MYO3B: variants seen among roughly 807,000 people sequenced by gnomAD.
MYO3B encodes myosin-IIIb.
Under a neutral mutation model 174.6 loss-of-function variants are expected in MYO3B, and 156 were observed. That is an observed-to-expected ratio of 0.89 (90% CI 0.78 to 1.02). The LOEUF is 1.02. MYO3B is among the 50% of genes least tolerant of loss of function. MYO3B has a pLI of 0.00. For missense variants in MYO3B, 1,632 were observed against 1,639.4 expected (o/e 1.00, Z 0.08); for synonymous variants, 563 against 569.1 (o/e 0.99, Z 0.15).
chr2:170,554,540 G>A (rs972059249), intron 32 of MYO3B, among the ~76,000 whole-genome samples: 1 of 152,202 alleles, frequency 6.6e-6, no homozygotes, highest in African/African-American at 2.4e-5. Context: ...CATTCCTGAG[G>A]CCACATACCT....
chr2:170,247,160 C>G (rs928029295), intron 7 of MYO3B, among the ~76,000 whole-genome samples: 8 of 152,158 alleles, frequency 5.3e-5, no homozygotes, highest in African/African-American at 1.9e-4. Context: ...TCTTCCCAGA[C>G]TCAGTACTTC....
intron 23 of MYO3B, 41 bp downstream of exon 23, chr2:170,444,087 G>T (rs1338767310): frequency 1.3e-6 from 2 of 1,549,948 alleles, no homozygotes. Context: ...TGGACTGGCA[G>T]GTACTCTTGA....
intron 28 of MYO3B, among the ~76,000 whole-genome samples, chr2:170,508,908 G>A (rs1331143838): frequency 6.6e-6 from 1 of 152,188 alleles, no homozygotes; most frequent in Non-Finnish European, 1.5e-5. Context: ...ATGATAGCAG[G>A]TAATATATGC....
At chr2:170,423,234 T>C (rs1040630802) in intron 22 of MYO3B, among the ~76,000 whole-genome samples, 10 of 152,146 alleles carry the variant, frequency 6.6e-5, no homozygotes, top group African/African-American at 2.2e-4. Flanking sequence ...CCACCCACCT[T>C]GGCCTCCTAA....
chr2:170,461,846 G>A (rs567619452), intron 23 of MYO3B, among the ~76,000 whole-genome samples: 5 of 134,444 alleles, frequency 3.7e-5, no homozygotes, highest in South Asian at 2.4e-4. Flanking sequence ...GGAGGTCGGC[G>A]GGGCCGGGGT....
chr2:170,498,524 C>T (rs1687024625), intron 25 of MYO3B, 68 bp from the exon 26 acceptor site: 22 of 1,073,648 alleles, frequency 2.0e-5, no homozygotes, highest in South Asian at 9.6e-5. Context: ...TCAATGGTCC[C>T]GAGTAATTCT....
At chr2:170,296,746 C>T (rs3845739) in intron 7 of MYO3B, among the ~76,000 whole-genome samples, 103,964 of 152,064 alleles carry the variant, frequency 0.68, 35,678 homozygotes, top group Admixed American at 0.74. Flanking sequence ...TGCAGTTCCA[C>T]AGGCTGTAAA....
chr2:170,626,606 A>G (rs1036785774), intron 32 of MYO3B, among the ~76,000 whole-genome samples: 11 of 152,162 alleles, frequency 7.2e-5, no homozygotes, highest in Non-Finnish European at 1.3e-4. Context: ...TTAGCTGGCT[A>G]TTTTGCTCAT....
intron 30 of MYO3B, among the ~76,000 whole-genome samples, chr2:170,526,669 T>G (rs1689022875): frequency 6.6e-6 from 1 of 152,202 alleles, no homozygotes; most frequent in Non-Finnish European, 1.5e-5. Flanking sequence ...TTCTTAGACT[T>G]TCTAGATTTT....
In MYO3B at chr2:170,578,038, T is replaced by C. The variant is rs202015100; in HGVS notation, c.3733+34050T>C. Among the ~76,000 whole-genome samples the C allele has an allele frequency of 5.3e-5, 8 of 152,310 alleles. No individual in the cohort carries two copies. In the East Asian group the frequency reaches 9.6e-4, roughly 18 times the overall value. On this transcript the variant is annotated intron_variant, in intron 32 of 34. Coordinates refer to ENST00000408978, the MANE Select transcript of MYO3B (RefSeq NM_138995.5). ...TTTTTCCTGTTTAATATTTTGGAAA[T>C]TGATTTAATATTAGGCCCAAACCCT... is the stretch of plus-strand genomic sequence containing the variant.
chr2:170,622,798 C>G (rs1696051715), intron 32 of MYO3B, among the ~76,000 whole-genome samples: 1 of 94,988 alleles, frequency 1.1e-5, no homozygotes, highest in South Asian at 3.6e-4. Flanking sequence ...GTTCAATTCC[C>G]ACCTATGAGT....
intron 7 of MYO3B, among the ~76,000 whole-genome samples, chr2:170,291,279 A>T (rs576089386): frequency 9.9e-5 from 15 of 151,468 alleles, no homozygotes; most frequent in African/African-American, 3.4e-4. Flanking sequence ...ACAAAAAACC[A>T]AAGTTAAAGG....
intron 1 of MYO3B, among the ~76,000 whole-genome samples, chr2:170,186,274 T>C (rs2092461165): frequency 6.6e-6 from 1 of 151,614 alleles, no homozygotes; most frequent in South Asian, 2.1e-4. Flanking sequence ...ATGCAACTTT[T>C]ATTGTATTGG....
intron 7 of MYO3B, among the ~76,000 whole-genome samples, chr2:170,253,735 A>G (rs1267832447): frequency 6.6e-6 from 1 of 152,152 alleles, no homozygotes; most frequent in Non-Finnish European, 1.5e-5. Flanking sequence ...GAATAAGGGT[A>G]GTATTCCAGA....
At chr2:170,633,786 A>G (rs997696523) in intron 32 of MYO3B, among the ~76,000 whole-genome samples, 5 of 152,256 alleles carry the variant, frequency 3.3e-5, no homozygotes, top group Admixed American at 3.3e-4. Flanking sequence ...TACAAAATCA[A>G]TGTGCAAAAA....
intron 32 of MYO3B, among the ~76,000 whole-genome samples, chr2:170,548,551 G>A (rs539116753): frequency 6.6e-6 from 1 of 152,196 alleles, no homozygotes; most frequent in East Asian, 1.9e-4. Context: ...GCATGATCTG[G>A]GTTATGATTT....
chr2:170,221,258 T>C (rs1374279364), intron 6 of MYO3B, among the ~76,000 whole-genome samples: 1 of 152,136 alleles, frequency 6.6e-6, no homozygotes, highest in Non-Finnish European at 1.5e-5. Flanking sequence ...AATAAGAGCA[T>C]TGCAGATGAC....
intron 30 of MYO3B, among the ~76,000 whole-genome samples, chr2:170,539,505 T>C (rs890514962): frequency 6.6e-6 from 1 of 152,216 alleles, no homozygotes; most frequent in Non-Finnish European, 1.5e-5. Context: ...TCTTGTGAAA[T>C]GAAAGAAGGA....
chr2:170,252,059 C>T (rs1177084859), intron 7 of MYO3B, among the ~76,000 whole-genome samples: 1 of 152,190 alleles, frequency 6.6e-6, no homozygotes, highest in African/African-American at 2.4e-5. Flanking sequence ...CTGCCTTGAT[C>T]TGGCATAGTT....
Sources: allele counts gnomAD v4.1 joint callset (sites outside exome capture counted in the v4.1 genomes callset), GRCh38; gene constraint gnomAD v4.1.1; transcripts MANE v1.5; gene names NCBI Gene and HGNC (gene_info 2026-07-23, HGNC 2026-07-21).